Variants in SCN9A observed in about 807,000 individuals in gnomAD.
SCN9A encodes sodium voltage-gated channel alpha subunit 9.
SCN9A carries 131 observed loss-of-function variants against 187.0 expected under a neutral mutation model. The observed-to-expected ratio is 0.70, with a 90% CI of 0.61 to 0.81. The LOEUF (loss-of-function observed/expected upper bound fraction) is 0.81, where lower values mean the gene tolerates loss of function less well. Among genes scored for constraint, SCN9A ranks in the 30% least tolerant of loss-of-function variants. The probability of loss-of-function intolerance (pLI) is 0.00; values close to 1 mark genes in which losing one functional copy is unlikely to be tolerated. For synonymous variants in SCN9A, 809 were observed against 808.6 expected (o/e 1.00, Z -0.01); for missense variants, 2,252 against 2,396.6 (o/e 0.94, Z 1.26).
At chr2:166,342,036 T>C (rs954051501) in intron 1 of SCN9A, among the ~76,000 whole-genome samples, 1 of 152,164 alleles carries the variant, frequency 6.6e-6, no homozygotes, top group Non-Finnish European at 1.5e-5. Context: ...GCATAAATGT[T>C]TGTCAAAATA....
At chr2:166,303,577 G>A (rs1176744165) in intron 6 of SCN9A, among the ~76,000 whole-genome samples, 1 of 152,106 alleles carries the variant, frequency 6.6e-6, no homozygotes, top group Non-Finnish European at 1.5e-5. Context: ...ATTTTTGTAA[G>A]TTCTAATGTT....
intron 16 of SCN9A, 63 bp downstream of exon 16, chr2:166,276,920 A>G (rs1308724642): frequency 3.9e-6 from 5 of 1,291,006 alleles, no homozygotes; most frequent in African/African-American, 1.5e-5. Flanking sequence ...AAAATAATAG[A>G]TCACATCATC....
chr2:166,218,038 G>A (rs1356694192), intron 24 of SCN9A, among the ~76,000 whole-genome samples: 1 of 151,806 alleles, frequency 6.6e-6, no homozygotes, highest in Admixed American at 6.6e-5. Flanking sequence ...GGCCAAAACC[G>A]CAATTACTTT....
intron 17 of SCN9A, among the ~76,000 whole-genome samples, chr2:166,268,982 TAAA>T (rs1262312410): frequency 6.6e-6 from 1 of 151,888 alleles, no homozygotes; most frequent in Non-Finnish European, 1.5e-5. Context: ...CTACATGACT[TAAA>T]AATACTAGCT....
At chr2:166,278,383 CT>C in intron 14 of SCN9A, 70 bp from the exon 15 acceptor site, 2 of 1,252,078 alleles carry the variant, frequency 1.6e-6, no homozygotes, top group South Asian at 2.8e-5. Context: ...ATAATAATCA[CT>C]GTTTGCTTAG....
chr2:166,288,674 A>G (rs1346999665), intron 9 of SCN9A, 31 bp from the exon 10 acceptor site: 1 of 1,490,582 alleles, frequency 6.7e-7, no homozygotes, highest in Non-Finnish European at 9.0e-7. Context: ...TCATTTGAAC[A>G]ATAAAAAGTT....
chr2:166,246,048 T>A (rs1207829148), intron 18 of SCN9A, among the ~76,000 whole-genome samples: 1 of 151,954 alleles, frequency 6.6e-6, no homozygotes, highest in Non-Finnish European at 1.5e-5. Context: ...ATGTCTCTGG[T>A]GTTTTTGTTA....
intron 1 of SCN9A, among the ~76,000 whole-genome samples, chr2:166,354,120 TC>T (rs1700100209): frequency 6.6e-6 from 1 of 152,178 alleles, no homozygotes; most frequent in Non-Finnish European, 1.5e-5. Flanking sequence ...TCCATAACTA[TC>T]ATTGATTTTA....
intron 1 of SCN9A, among the ~76,000 whole-genome samples, chr2:166,353,583 C>G (rs1323056480): frequency 1.3e-5 from 2 of 152,174 alleles, no homozygotes; most frequent in Non-Finnish European, 2.9e-5. Flanking sequence ...ATAATGTTCC[C>G]TTTATCTGAA....
chr2:166,303,271 C>T lies in SCN9A; in HGVS notation c.720G>A (p.Gln240=). ...TGACATCAGAAAGCTTCTTCACTGACTGGATCAAAGCCCCTACAATTGTCT... is the reference window on the plus strand; with the variant it reads ...TGACATCAGAAAGCTTCTTCACTGATTGGATCAAAGCCCCTACAATTGTCT... The part of the protein sequence containing the change: ...GLKTIVGALI[Q]SVKKLSDVMI... The change falls in exon 7 of 27, where the codon CAG becomes CAA. Residue 240 remains glutamine (Q), a synonymous_variant. Transcript: ENST00000642356. 1 of 1,613,552 alleles carries T rather than the reference C, an allele frequency of 6.2e-7. No individual in the cohort carries two copies.
chr2:166,344,248 A>C (rs1368116020), intron 1 of SCN9A, among the ~76,000 whole-genome samples: 2 of 152,212 alleles, frequency 1.3e-5, no homozygotes, highest in African/African-American at 4.8e-5. Context: ...TGACATTAAT[A>C]ATACTAAAAA....
At chr2:166,213,581 C>A (rs539898762) in intron 24 of SCN9A, among the ~76,000 whole-genome samples, 1 of 151,604 alleles carries the variant, frequency 6.6e-6, no homozygotes, top group Non-Finnish European at 1.5e-5. Flanking sequence ...AAAGAAGAAA[C>A]AACATTAATT....
At chr2:166,293,143 A>C in intron 9 of SCN9A, 88 bp downstream of exon 9, 1 of 1,216,476 alleles carries the variant, frequency 8.2e-7, no homozygotes, top group Non-Finnish European at 1.1e-6. Context: ...TTCTCAAATA[A>C]ATAAAAAACC....
chr2:166,351,502 G>C (rs1454319271), intron 1 of SCN9A, among the ~76,000 whole-genome samples: 2 of 152,158 alleles, frequency 1.3e-5, no homozygotes, highest in African/African-American at 4.8e-5. Context: ...TTATCTAATG[G>C]ATGTGATTTC....
At chr2:166,333,336 T>C (rs1251575861) in intron 1 of SCN9A, among the ~76,000 whole-genome samples, 2 of 152,138 alleles carry the variant, frequency 1.3e-5, no homozygotes, top group East Asian at 3.8e-4. Flanking sequence ...TCCTCGATGA[T>C]TGGCTTTCAT....
Position 166,228,741 on chromosome 2 carries a change from T to C in SCN9A, c.4156A>G (p.Lys1386Glu). 6.2e-7 allele frequency: 1 copy of C among 1,613,854 alleles called. No homozygotes were observed. Among genetic ancestry groups the C allele is most frequent in the Non-Finnish European group, 8.5e-7 (1 of 1,179,748 alleles). ...VSQNVRWKNL[K>E]VNFDNVGLGY... ...AGTCCGACATTATCAAAGTTCACTT[T>C]CAGGTTTTTCCATCGCACATTTTGA... Residue 1386 changes from lysine (K) to glutamate (E), a missense_variant, in exon 22 of 27, where the codon AAA becomes GAA. Lys to Glu is a moderately conservative substitution (Grantham distance 56). Around this residue, in one of 7 missense-constraint regions of SCN9A, gnomAD observed 368 missense variants for 408.6 expected, o/e 0.90. Coordinates refer to ENST00000642356, the MANE Select transcript of SCN9A (RefSeq NM_001365536.1).
chr2:166,344,879 C>G (rs1699864849), intron 1 of SCN9A, among the ~76,000 whole-genome samples: 1 of 152,122 alleles, frequency 6.6e-6, no homozygotes, highest in African/African-American at 2.4e-5. Context: ...ATCCTCTGCC[C>G]CTGATGTGAA....
At chr2:166,354,183 C>T (rs1401343565) in intron 1 of SCN9A, among the ~76,000 whole-genome samples, 2 of 151,966 alleles carry the variant, frequency 1.3e-5, no homozygotes, top group Non-Finnish European at 2.9e-5. Context: ...TCTTTTTCTC[C>T]TCATTAAAAA....
chr2:166,356,607 C>T (rs1700156361), intron 1 of SCN9A, among the ~76,000 whole-genome samples: 1 of 152,162 alleles, frequency 6.6e-6, no homozygotes, highest in African/African-American at 2.4e-5. Flanking sequence ...TCCCAGCCAT[C>T]CAAATTCCTC....
Sources: allele counts gnomAD v4.1 joint callset (sites outside exome capture counted in the v4.1 genomes callset), GRCh38; gene constraint gnomAD v4.1.1; regional missense constraint gnomAD v4.1.1; transcripts MANE v1.5; gene names NCBI Gene and HGNC (gene_info 2026-07-23, HGNC 2026-07-21).